Variants in FOXJ2 observed in about 807,000 individuals in gnomAD.
The protein encoded by FOXJ2 is forkhead box J2, also known as forkhead box protein J2.
Under a neutral mutation model 68.4 loss-of-function variants are expected in FOXJ2, and 18 were observed. The observed-to-expected ratio is 0.26, with a 90% CI of 0.18 to 0.39. The LOEUF (loss-of-function observed/expected upper bound fraction) is 0.39. FOXJ2 is among the 10% of genes least tolerant of loss of function. FOXJ2 has a pLI of 1.00. For synonymous variants in FOXJ2, 274 were observed against 263.2 expected (o/e 1.04, Z -0.40); for missense variants, 670 against 726.5 (o/e 0.92, Z 0.89).
chr12:8,052,824 G>C lies in FOXJ2; in HGVS notation c.1699G>C (p.Asp567His). 6.2e-7 allele frequency: 1 copy of C among 1,608,134 alleles called. No homozygotes were observed. The highest frequency in any genetic ancestry group is 1.3e-5 in the African/African-American group (1 of 74,916). ...TGGTGCCAATGAGGAGATCCCTGATGACTTCGACTGGGACTTGATCACTTA... is the reference window on the plus strand; with the variant it reads ...TGGTGCCAATGAGGAGATCCCTGATCACTTCGACTGGGACTTGATCACTTA... ...PPGANEEIPDDFDWDLIT is the reference protein window; with the variant it reads ...PPGANEEIPDHFDWDLIT Residue 567 changes from aspartate to histidine, a missense_variant, in exon 11 of 11, where the codon GAC becomes CAC. Transcript: ENST00000162391.
chr12:8,043,217 CAA>C (rs11423157), intron 3 of FOXJ2, among the ~76,000 whole-genome samples: 110 of 58,168 alleles, frequency 1.9e-3, no homozygotes, highest in African/African-American at 4.9e-3. Flanking sequence ...AACTCCATCT[CAA>C]AAAAAAAAAA....
chr12:8,051,978 C>T (rs149766316), intron 10 of FOXJ2, among the ~76,000 whole-genome samples: 1,713 of 151,948 alleles, frequency 0.011, 29 homozygotes, highest in African/African-American at 0.039. Context: ...AAGTGATTCT[C>T]GAGCCTCAGC....
chr12:8,052,792 C>T lies in FOXJ2; in HGVS notation c.1667C>T (p.Pro556Leu). ...CATATGGTCCCTCGGCCATCAGTGCCACCTCCTGGTGCCAATGAGGAGATC... is the reference window on the plus strand; with the variant it reads ...CATATGGTCCCTCGGCCATCAGTGCTACCTCCTGGTGCCAATGAGGAGATC... ...AHHMVPRPSVPPPGANEEIPD... is the reference protein window; with the variant it reads ...AHHMVPRPSVLPPGANEEIPD... The change falls in exon 11 of 11, where the codon CCA becomes CTA. Residue 556 changes from proline to leucine, a missense_variant. Physicochemically the swap from Pro to Leu is moderately conservative, Grantham distance 98. Transcript: ENST00000162391. 6.2e-7 allele frequency: 1 copy of T among 1,610,876 alleles called. No homozygotes were observed. The highest frequency in any genetic ancestry group is 2.2e-5 in the East Asian group (1 of 44,856).
At chr12:8,051,536 T>C (rs1947126588) in intron 10 of FOXJ2, among the ~76,000 whole-genome samples, 1 of 152,172 alleles carries the variant, frequency 6.6e-6, no homozygotes, top group Non-Finnish European at 1.5e-5. Flanking sequence ...GGAATCTAGA[T>C]GGAAGATGTG....
At chr12:8,049,767 T>G in intron 9 of FOXJ2, 196 bp downstream of exon 9, 1 of 495,556 alleles carries the variant, frequency 2.0e-6, no homozygotes, top group Non-Finnish European at 3.5e-6. Flanking sequence ...AGAAATAGAC[T>G]GTATGATTCC....
In FOXJ2 at chr12:8,055,287, G is replaced by A. The variant is rs566574697; in HGVS notation, c.*2437G>A. On this transcript the variant is annotated 3_prime_UTR_variant, in exon 11 of 11. Coordinates refer to ENST00000162391, the MANE Select transcript of FOXJ2 (RefSeq NM_018416.3). ...TATAAGAGGAAATAAGAGAGAAAGTGGAGGAGAGGGACAAAAGGAGTAATT... is the reference window on the plus strand; with the variant it reads ...TATAAGAGGAAATAAGAGAGAAAGTAGAGGAGAGGGACAAAAGGAGTAATT... 6.6e-6 allele frequency: 1 copy of A among 152,652 alleles called. No homozygotes were observed. Among genetic ancestry groups the A allele is most frequent in the Non-Finnish European group, 1.5e-5 (1 of 68,044 alleles). The allele number at this position is 152,652 out of a possible 1,614,324, so 9.5% of individuals were successfully genotyped here. A position where few individuals can be genotyped will look rare whatever the true frequency, so the allele number is the denominator to read the frequency against.
In FOXJ2 at chr12:8,035,533, C is replaced by T. The variant is rs1462503049; in HGVS notation, c.-15+1700C>T. 1.3e-5 allele frequency among the ~76,000 whole-genome samples: 2 copies of T among 152,214 alleles called. No homozygotes were observed. Among genetic ancestry groups the T allele is most frequent in the African/African-American group, 2.4e-5 (1 of 41,450 alleles). On this transcript the variant is annotated intron_variant, in intron 1 of 10. Coordinates refer to ENST00000162391, the MANE Select transcript of FOXJ2 (RefSeq NM_018416.3). The surrounding 1 kb of genome is among the most constrained non-coding windows in gnomAD (Gnocchi z 4.0). ...CCTAACTCCAGAACTCCTTCCCCTACCTTTTACAAAAGAGGCCTCGCTGGT... is the reference window on the plus strand; with the variant it reads ...CCTAACTCCAGAACTCCTTCCCCTATCTTTTACAAAAGAGGCCTCGCTGGT...
At chr12:8,045,044 T>C in intron 6 of FOXJ2, 86 bp downstream of exon 6, 1 of 1,349,084 alleles carries the variant, frequency 7.4e-7, no homozygotes, top group Non-Finnish European at 1.0e-6. Context: ...CCCTTAGTTT[T>C]TTATTTTTAT....
At chr12:8,039,768 T>G in intron 1 of FOXJ2, 51 bp from the exon 2 acceptor site, 78 of 1,436,378 alleles carry the variant, frequency 5.4e-5, no homozygotes, top group Non-Finnish European at 6.9e-5. Context: ...CAAAAGGATT[T>G]GAGTATTACT....
At chr12:8,045,564 C>CCA (rs1286087234) in intron 6 of FOXJ2, among the ~76,000 whole-genome samples, 91 of 152,330 alleles carry the variant, frequency 6.0e-4, no homozygotes, top group African/African-American at 1.7e-3. Flanking sequence ...GTTGGCTGGG[C>CCA]TGGTCTCGAA....
intron 3 of FOXJ2, among the ~76,000 whole-genome samples, chr12:8,043,150 G>A (rs1359482679): frequency 1.4e-5 from 2 of 146,384 alleles, no homozygotes; most frequent in Non-Finnish European, 3.0e-5. Context: ...CTGGGAGGCA[G>A]AGGTTGCAGT....
intron 1 of FOXJ2, among the ~76,000 whole-genome samples, chr12:8,036,690 G>A (rs1946900151): frequency 1.3e-5 from 2 of 152,314 alleles, no homozygotes; most frequent in South Asian, 4.1e-4. Context: ...GGAATGTGTG[G>A]CAGCCACCAG....
Position 8,040,210 on chromosome 12 carries a change from GCCTTTTT to G in FOXJ2, c.333+46_333+52del. On this transcript the variant is annotated intron_variant, in intron 2 of 10. Coordinates refer to ENST00000162391, the MANE Select transcript of FOXJ2 (RefSeq NM_018416.3). The surrounding 1 kb of genome is among the most constrained non-coding windows in gnomAD (Gnocchi z 4.0). ...CTTGGCTTAGGTTTAGGCTTCAACA[GCCTTTTT>G]AGAGAAAAAGGTTTTGTTTCTTCTT... The G allele has an allele frequency of 1.9e-6, 3 of 1,573,076 alleles. No individual in the cohort carries two copies. The highest frequency in any genetic ancestry group is 1.1e-5 in the South Asian group (1 of 87,684).
intron 6 of FOXJ2, 83 bp downstream of exon 6, chr12:8,045,041 T>TTTTTTA: frequency 2.2e-6 from 3 of 1,377,534 alleles, no homozygotes; most frequent in Non-Finnish European, 2.0e-6. Flanking sequence ...TTTCCCTTAG[T>TTTTTTA]TTTTTATTTT....
intron 9 of FOXJ2, chr12:8,049,772 G>T: frequency 2.0e-6 from 1 of 489,754 alleles, no homozygotes. Flanking sequence ...TAGACTGTAT[G>T]ATTCCTTTTT....
At chr12:8,046,968 T>G (rs927640964) in intron 6 of FOXJ2, among the ~76,000 whole-genome samples, 1 of 152,114 alleles carries the variant, frequency 6.6e-6, no homozygotes, top group African/African-American at 2.4e-5. Context: ...AGAAATAAAG[T>G]AAAAAATTAG....
Position 8,035,455 on chromosome 12 carries a change from A to G in FOXJ2, c.-15+1622A>G, listed in dbSNP as rs758339826. 6.6e-6 allele frequency among the ~76,000 whole-genome samples: 1 copy of G among 152,238 alleles called. No individual in the cohort carries two copies. Among genetic ancestry groups the G allele is most frequent in the African/African-American group, 2.4e-5 (1 of 41,552 alleles). ...GGGATCATTTCTTCTAGGACTAATA[A>G]GAGAGCTTCATTGCTGATACCTCTG... On this transcript the variant is annotated intron_variant, in intron 1 of 10. Transcript: ENST00000162391. This position sits in a 1 kb window ranked among gnomAD's most constrained non-coding sequence, Gnocchi z 4.0.
At chr12:8,042,371 C>T (rs754519139) in intron 2 of FOXJ2, among the ~76,000 whole-genome samples, 8 of 152,304 alleles carry the variant, frequency 5.3e-5, no homozygotes, top group South Asian at 2.1e-4. Context: ...ACTTGTTACT[C>T]GGCTGGAAAG....
rs759638391 is a variant in FOXJ2 at position 8,047,950 on chromosome 12, C to T, written c.886C>T (p.Pro296Ser). 1 of 1,613,450 alleles carries T rather than the reference C, an allele frequency of 6.2e-7. No homozygotes were observed. ...CTACATGTATCAGCAGCAGCAGCCA[C>T]CGCCACCTCAACAGCAGCAGCAGCA... ...NYYMYQQQQP[P>S]PPQQQQQQQQ... is the part of the protein sequence containing the mutation. The change falls in exon 7 of 11, where the codon CCG becomes TCG. Residue 296 changes from proline to serine, a missense_variant. By Grantham distance (74) the Pro-to-Ser change is moderately conservative. Transcript: ENST00000162391.
Sources: allele counts gnomAD v4.1 joint callset (sites outside exome capture counted in the v4.1 genomes callset), GRCh38; gene constraint gnomAD v4.1.1; non-coding constraint Gnocchi (gnomAD v3.1); transcripts MANE v1.5; gene names NCBI Gene and HGNC (gene_info 2026-07-23, HGNC 2026-07-21).